The following MORC1 variants were observed in gnomAD, a reference collection of about 807,000 sequenced individuals.
MORC1 encodes the protein MORC family CW-type zinc finger 1.
In MORC1, 59 loss-of-function variants were observed where a neutral mutation model predicts 134.9. The ratio of observed to expected loss-of-function variants is 0.44; its 90% CI spans 0.35 to 0.54. The LOEUF (loss-of-function observed/expected upper bound fraction) is 0.54, where lower values mean the gene tolerates loss of function less well. Among genes scored for constraint, MORC1 ranks in the 20% least tolerant of loss-of-function variants. The pLI, the probability that MORC1 is intolerant of heterozygous loss-of-function variation, is 0.00. For synonymous variants in MORC1, 395 were observed against 391.7 expected, an observed-to-expected ratio of 1.01 and a Z score of -0.10; for missense variants, 947 against 1,134.5, an observed-to-expected ratio of 0.83 and a Z score of 2.37.
chr3:109,033,485 T>G (rs1298317830), intron 15 of MORC1, among the ~76,000 whole-genome samples: 2 of 152,074 alleles, frequency 1.3e-5, no homozygotes, highest in African/African-American at 4.8e-5. Flanking sequence ...AAGGCACACT[T>G]CCCTCTCCAG....
At chr3:109,037,723 C>T (rs1050802839) in intron 14 of MORC1, among the ~76,000 whole-genome samples, 1 of 152,104 alleles carries the variant, frequency 6.6e-6, no homozygotes, top group African/African-American at 2.4e-5. Flanking sequence ...ATAGTTTGCT[C>T]AGAATGATAG....
At chr3:109,095,195 C>G in intron 6 of MORC1, 127 bp from the exon 7 acceptor site, 1 of 819,996 alleles carries the variant, frequency 1.2e-6, no homozygotes, top group Non-Finnish European at 1.9e-6. Flanking sequence ...GTTCATTTTC[C>G]TCCTATAATC....
At chr3:109,115,060 G>A (rs1251567249) in intron 1 of MORC1, among the ~76,000 whole-genome samples, 1 of 152,208 alleles carries the variant, frequency 6.6e-6, no homozygotes, top group African/African-American at 2.4e-5. Context: ...AGTTTGGAGG[G>A]TGCACAGTTA....
chr3:109,049,689 T>C (rs1181775337), intron 14 of MORC1, among the ~76,000 whole-genome samples: 1 of 152,170 alleles, frequency 6.6e-6, no homozygotes, highest in Non-Finnish European at 1.5e-5. Context: ...CAAGAACACA[T>C]ATTAATATTT....
Position 109,027,902 on chromosome 3 carries a change from C to G in MORC1, c.1566-13G>C, listed in dbSNP as rs745630819. ...TACCTGATGACAACTTCAGAATCAA[C>G]AAGTACAAGATTAACATCAGGAGAA... On this transcript the variant is annotated splice_polypyrimidine_tract_variant and intron_variant, in intron 16 of 27. Coordinates refer to ENST00000232603, the MANE Select transcript of MORC1 (RefSeq NM_014429.4). 3.1e-6 allele frequency: 5 copies of G among 1,612,324 alleles called. No individual in the cohort carries two copies. In the South Asian group the frequency reaches 5.5e-5, roughly 18 times the overall value.
At chr3:109,096,990 A>G (rs1950842423) in intron 6 of MORC1, among the ~76,000 whole-genome samples, 1 of 152,246 alleles carries the variant, frequency 6.6e-6, no homozygotes, top group African/African-American at 2.4e-5. Flanking sequence ...GATAGAAAAG[A>G]GAATATGAAT....
chr3:109,051,451 G>A (rs1405796806), intron 14 of MORC1, among the ~76,000 whole-genome samples: 1 of 152,152 alleles, frequency 6.6e-6, no homozygotes, highest in African/African-American at 2.4e-5. Flanking sequence ...GACCTTGAAG[G>A]TCATTCTCCT....
In MORC1 at chr3:109,100,456, G is replaced by A; in HGVS notation, c.275C>T (p.Thr92Ile). Reference protein sequence around the residue: ...YFGRSKKRLSTLKFIGQYGNG... With the variant: ...YFGRSKKRLSILKFIGQYGNG... ...GCCGTATTGCCCTATGAACTTCAAG[G>A]TTGACAGCCGTTTTTTGGATCGTCC... The change falls in exon 5 of 28, where the codon ACC becomes ATC. Residue 92 changes from threonine to isoleucine, a missense_variant. Around this residue, in one of 3 missense-constraint regions of MORC1, gnomAD observed 214 missense variants for 281.3 expected, o/e 0.76. Coordinates refer to ENST00000232603, the MANE Select transcript of MORC1 (RefSeq NM_014429.4). The A allele has an allele frequency of 6.2e-7, 1 of 1,613,744 alleles. No homozygotes were observed. The highest frequency in any genetic ancestry group is 2.2e-5 in the East Asian group (1 of 44,880).
chr3:108,965,273 T>C (rs924799806), intron 26 of MORC1, among the ~76,000 whole-genome samples: 4 of 152,142 alleles, frequency 2.6e-5, no homozygotes, highest in African/African-American at 7.2e-5. Context: ...ATATCAAAAA[T>C]GGCAAACATT....
chr3:109,110,933 T>A, intron 2 of MORC1, 150 bp from the exon 3 acceptor site: 1 of 505,612 alleles, frequency 2.0e-6, no homozygotes, highest in Non-Finnish European at 3.5e-6. Context: ...TATTATATCA[T>A]AAGACCTATG....
intron 9 of MORC1, among the ~76,000 whole-genome samples, chr3:109,066,727 C>A (rs935196194): frequency 6.6e-6 from 1 of 152,206 alleles, no homozygotes; most frequent in Non-Finnish European, 1.5e-5. Flanking sequence ...AGAAACCTTG[C>A]TGTTTTTATG....
rs547585506 is a variant in MORC1 at position 108,963,522 on chromosome 3, T to C, written c.2691A>G (p.Ile897Met). 7 of 1,608,206 alleles carry C rather than the reference T, an allele frequency of 4.4e-6. No homozygotes were observed. In the Admixed American group the frequency reaches 1.0e-4, roughly 23 times the overall value. The change falls in exon 27 of 28, where the codon ATA (isoleucine) becomes ATG (methionine). Residue 897 changes from isoleucine to methionine, a missense_variant. By Grantham distance (10) the Ile-to-Met change is conservative. Coordinates refer to ENST00000232603, the MANE Select transcript of MORC1 (RefSeq NM_014429.4). ...ATTGCCCCAGAGAGATTTCATTATGTATTCCTCTTGTATTTGAATCATAGA... is the reference window on the plus strand; with the variant it reads ...ATTGCCCCAGAGAGATTTCATTATGCATTCCTCTTGTATTTGAATCATAGA... ...SIIYDSNTRG[I>M]HNEISLGQCE...
At chr3:109,010,061 T>C (rs1348415467) in intron 17 of MORC1, among the ~76,000 whole-genome samples, 1 of 152,212 alleles carries the variant, frequency 6.6e-6, no homozygotes, top group Non-Finnish European at 1.5e-5. Flanking sequence ...CAGCAAACTT[T>C]TTCTGTAAAA....
chr3:109,036,548 T>C (rs963718037), intron 14 of MORC1, among the ~76,000 whole-genome samples: 2 of 152,206 alleles, frequency 1.3e-5, no homozygotes, highest in African/African-American at 4.8e-5. Context: ...TTGACTGTTT[T>C]GTCCAATATG....
Position 109,069,708 on chromosome 3 carries a change from T to C in MORC1, c.739A>G (p.Asn247Asp). ...FRAYTSVLYF[N>D]PWMRIFIQAK... Reference sequence around the variant, plus strand: ...TGAATGAATATTCTCATCCATGGGTTAAAATACAGAACAGATGTGTAGGCT... The same window carrying C: ...TGAATGAATATTCTCATCCATGGGTCAAAATACAGAACAGATGTGTAGGCT... The change falls in exon 9 of 28, where the codon AAC becomes GAC. Residue 247 changes from asparagine to aspartate, a missense_variant. By Grantham distance (23) the Asn-to-Asp change is conservative (BLOSUM62 1). Around this residue, in one of 3 missense-constraint regions of MORC1, gnomAD observed 11 missense variants for 36.2 expected, o/e 0.30. Transcript: ENST00000232603. The C allele has an allele frequency of 1.9e-6, 3 of 1,613,074 alleles. No homozygotes were observed. The highest frequency in any genetic ancestry group is 8.5e-7 in the Non-Finnish European group (1 of 1,179,328).
intron 14 of MORC1, among the ~76,000 whole-genome samples, chr3:109,053,717 A>C (rs1303638532): frequency 6.6e-6 from 1 of 152,186 alleles, no homozygotes; most frequent in African/African-American, 2.4e-5. Flanking sequence ...CCCAAACCTC[A>C]GCATCACAAA....
intron 17 of MORC1, among the ~76,000 whole-genome samples, chr3:109,012,696 T>TA (rs1948720867): frequency 6.6e-6 from 1 of 152,244 alleles, no homozygotes; most frequent in Non-Finnish European, 1.5e-5. Context: ...ATTTTTCAAT[T>TA]TCAATTTCCA....
Position 108,958,921 on chromosome 3 carries a change from A to G in MORC1, c.*44T>C. The stretch of plus-strand genomic sequence containing the variant: ...AGAAAAATTTTTAAAAGAATCTTCC[A>G]ATTTTCTTATTAGCATTTTTTAAAA... On this transcript the variant is annotated 3_prime_UTR_variant, in exon 28 of 28. Transcript: ENST00000232603. 1 of 1,337,112 alleles carries G rather than the reference A, an allele frequency of 7.5e-7. No homozygotes were observed. Among genetic ancestry groups the G allele is most frequent in the Non-Finnish European group, 9.9e-7 (1 of 1,009,512 alleles). 82.8% of individuals were successfully genotyped at this position (1,337,112 alleles called of 1,614,324 possible). A position where few individuals can be genotyped will look rare whatever the true frequency, so the allele number is the denominator to read the frequency against.
intron 13 of MORC1, among the ~76,000 whole-genome samples, chr3:109,055,805 C>T (rs1341420185): frequency 6.6e-6 from 1 of 152,078 alleles, no homozygotes; most frequent in Non-Finnish European, 1.5e-5. Context: ...AGCTAATAAA[C>T]AGATAAATAT....
Sources: allele counts gnomAD v4.1 joint callset (sites outside exome capture counted in the v4.1 genomes callset), GRCh38; gene constraint gnomAD v4.1.1; regional missense constraint gnomAD v4.1.1; transcripts MANE v1.5; gene names NCBI Gene and HGNC (gene_info 2026-07-23, HGNC 2026-07-21).